ADCY10: variants seen among roughly 807,000 people sequenced by gnomAD.
The protein encoded by ADCY10 is adenylate cyclase 10.
In ADCY10, 156 loss-of-function variants were observed where a neutral mutation model predicts 183.3. The ratio of observed to expected loss-of-function variants is 0.85; its 90% CI spans 0.75 to 0.97. ADCY10 has a LOEUF of 0.97. ADCY10 is among the 50% of genes least tolerant of loss of function. ADCY10 has a pLI of 0.00. For missense variants in ADCY10, 1,745 were observed against 1,934.3 expected (o/e 0.90, Z 1.84); for synonymous variants, 645 against 670.0 (o/e 0.96, Z 0.58).
intron 6 of ADCY10, among the ~76,000 whole-genome samples, chr1:167,898,249 C>A (rs115615414): frequency 2.3e-3 from 355 of 151,946 alleles, no homozygotes; most frequent in African/African-American, 8.3e-3. Flanking sequence ...ATTTTTTCAA[C>A]TTTTCTGTAA....
intron 24 of ADCY10, 40 bp from the exon 25 acceptor site, chr1:167,833,202 C>A: frequency 6.3e-7 from 1 of 1,586,122 alleles, no homozygotes; most frequent in South Asian, 1.1e-5. Context: ...AAGAGGAAAA[C>A]GATGATTCTA....
intron 31 of ADCY10, among the ~76,000 whole-genome samples, chr1:167,815,595 TAG>T (rs940453097): frequency 2.6e-4 from 39 of 152,342 alleles, no homozygotes; most frequent in African/African-American, 9.1e-4. Context: ...AAGACTTATT[TAG>T]ACAAAGTCTT....
In ADCY10 at chr1:167,845,613, G is replaced by T; in HGVS notation, c.2957C>A (p.Ala986Asp). The T allele has an allele frequency of 6.2e-7, 1 of 1,614,244 alleles. No individual in the cohort carries two copies. The highest frequency in any genetic ancestry group is 1.7e-5 in the Admixed American group (1 of 60,034). ...HHFTVNIRLN[A>D]LDMDAIKKMA... The stretch of plus-strand genomic sequence containing the variant: ...CTTTTTAATGGCATCCATGTCTAAA[G>T]CGTTGAGCCGAATATTCACTGTGAA... The change falls in exon 21 of 33, where the codon GCT (alanine) becomes GAT (aspartate). Residue 986 changes from alanine (A) to aspartate (D), a missense_variant. Ala to Asp is a moderately radical substitution (Grantham distance 126). Coordinates refer to ENST00000367851, the MANE Select transcript of ADCY10 (RefSeq NM_018417.6).
intron 3 of ADCY10, among the ~76,000 whole-genome samples, chr1:167,903,096 A>AAAAAT (rs1224271740): frequency 1.1e-4 from 16 of 149,496 alleles, no homozygotes; most frequent in African/African-American, 3.7e-4. Flanking sequence ...CTCTACTGAA[A>AAAAAT]AAAATACAAA....
At chr1:167,894,767 T>G (rs1360611957) in intron 7 of ADCY10, among the ~76,000 whole-genome samples, 1 of 152,082 alleles carries the variant, frequency 6.6e-6, no homozygotes, top group Non-Finnish European at 1.5e-5. Context: ...ATCCCCAGAT[T>G]TGTAGGTAGT....
rs2269678 is a variant in ADCY10 at position 167,845,929 on chromosome 1, T to C, written c.2716+56A>G. On this transcript the variant is annotated intron_variant, in intron 20 of 32. Coordinates refer to ENST00000367851, the MANE Select transcript of ADCY10 (RefSeq NM_018417.6). ...CCCCTTCTACCTAACATAGGTCAAT[T>C]CTTTGATCTAGATGGGTCCTTAAGA... is the stretch of plus-strand genomic sequence containing the variant. 461,896 of 1,613,684 alleles carry C rather than the reference T, an allele frequency of 0.29. 68,501 individuals carry two copies. The highest frequency in any genetic ancestry group is 0.37 in the East Asian group (16,814 of 44,868).
intron 16 of ADCY10, among the ~76,000 whole-genome samples, chr1:167,859,577 C>T (rs1666146594): frequency 6.6e-6 from 1 of 152,078 alleles, no homozygotes; most frequent in African/African-American, 2.4e-5. Context: ...CTGAGAGAGG[C>T]CAGACTCCTA....
At chr1:167,889,110 T>G (rs1053183762) in intron 8 of ADCY10, among the ~76,000 whole-genome samples, 1 of 152,158 alleles carries the variant, frequency 6.6e-6, no homozygotes, top group Non-Finnish European at 1.5e-5. Context: ...ACTTCCAGTA[T>G]TATGTTGAAA....
intron 21 of ADCY10, among the ~76,000 whole-genome samples, chr1:167,840,367 A>T (rs373166801): frequency 2.7e-5 from 4 of 147,436 alleles, no homozygotes; most frequent in Non-Finnish European, 4.5e-5. Context: ...TATTATTACT[A>T]TTTTTTTTGG....
At chr1:167,881,513 G>C (rs1667867164) in intron 9 of ADCY10, among the ~76,000 whole-genome samples, 1 of 152,208 alleles carries the variant, frequency 6.6e-6, no homozygotes. Flanking sequence ...TACGTGCAAA[G>C]AGGGCAACCC....
chr1:167,836,913 T>C (rs916171275), intron 22 of ADCY10: 10 of 356,860 alleles, frequency 2.8e-5, no homozygotes, highest in Non-Finnish European at 4.6e-5. Context: ...TAGTCCCAGT[T>C]ATTCAGGAGG....
chr1:167,872,203 T>C lies in ADCY10; in HGVS notation c.1463-1793A>G, dbSNP rs1480930828. On this transcript the variant is annotated intron_variant, in intron 13 of 32. Coordinates refer to ENST00000367851, the MANE Select transcript of ADCY10 (RefSeq NM_018417.6). The stretch of plus-strand genomic sequence containing the variant: ...AAAATACAAAATTAGCCGGGCGTGG[T>C]GGTGCATGCCTGTAATCCCAGCTAC... Among the ~76,000 whole-genome samples, 10 of 152,186 alleles carry C rather than the reference T, an allele frequency of 6.6e-5. No homozygotes were observed. In the East Asian group the frequency reaches 9.7e-4, roughly 15 times the overall value.
At chr1:167,892,769 C>T (rs1198356815) in intron 8 of ADCY10, among the ~76,000 whole-genome samples, 2 of 152,140 alleles carry the variant, frequency 1.3e-5, no homozygotes, top group Non-Finnish European at 2.9e-5. Context: ...ACAAAGATTT[C>T]CTCCAGGACA....
At chr1:167,900,131 T>C (rs549663032) in intron 5 of ADCY10, among the ~76,000 whole-genome samples, 1 of 152,312 alleles carries the variant, frequency 6.6e-6, no homozygotes, top group South Asian at 2.1e-4. Flanking sequence ...TAAATGAAAG[T>C]TTTGGAACCT....
At chr1:167,896,836 T>C (rs1486301082) in intron 6 of ADCY10, 145 bp from the exon 7 acceptor site, 9 of 639,220 alleles carry the variant, frequency 1.4e-5, no homozygotes, top group Middle Eastern at 4.4e-4. Flanking sequence ...ATTTGTAAAA[T>C]TGAAATTTTA....
At chr1:167,823,175 C>T (rs778968090) in intron 28 of ADCY10, 52 bp from the exon 29 acceptor site, 2 of 1,532,212 alleles carry the variant, frequency 1.3e-6, no homozygotes, top group Non-Finnish European at 1.8e-6. Context: ...TATTGTAATC[C>T]CAGCACTTTG....
At position 167,809,726 on chromosome 1, in the gene ADCY10, T is replaced by C; in HGVS notation, c.4785A>G (p.Gln1595=). The change falls in exon 33 of 33, where the codon CAA becomes CAG. Residue 1595 remains glutamine (Q), a synonymous_variant. Coordinates refer to ENST00000367851, the MANE Select transcript of ADCY10 (RefSeq NM_018417.6). ...TAGCTCTCATCAGGAATTTGTTTTT[T>C]TGAAGATCCTGAATGTTTACCCTGC... The part of the protein sequence containing the change: ...VAGRVNIQDL[Q]KNKFLMRANT... 1 of 1,614,204 alleles carries C rather than the reference T, an allele frequency of 6.2e-7. No homozygotes were observed. Among genetic ancestry groups the C allele is most frequent in the Non-Finnish European group, 8.5e-7 (1 of 1,180,016 alleles).
At chr1:167,811,113 A>G (rs1386866126) in intron 31 of ADCY10, among the ~76,000 whole-genome samples, 200 bp from the exon 32 acceptor site, 2 of 152,220 alleles carry the variant, frequency 1.3e-5, no homozygotes, top group Non-Finnish European at 2.9e-5. Context: ...GTCCACTGAG[A>G]TCAGGAATTG....
At chr1:167,899,750 C>T in intron 5 of ADCY10, 122 bp from the exon 6 acceptor site, 1 of 903,724 alleles carries the variant, frequency 1.1e-6, no homozygotes, top group Non-Finnish European at 1.8e-6. Flanking sequence ...AATCTCACTT[C>T]TAAAACTTTA....
Sources: allele counts gnomAD v4.1 joint callset (sites outside exome capture counted in the v4.1 genomes callset), GRCh38; gene constraint gnomAD v4.1.1; transcripts MANE v1.5; gene names NCBI Gene and HGNC (gene_info 2026-07-23, HGNC 2026-07-21).